SERPINE2: variants seen among roughly 807,000 people sequenced by gnomAD.
SERPINE2 encodes serpin family E member 2.
Under a neutral mutation model 36.3 loss-of-function variants are expected in SERPINE2, and 14 were observed. The ratio of observed to expected loss-of-function variants is 0.39; its 90% CI spans 0.25 to 0.60. SERPINE2 has a LOEUF of 0.60. Among genes scored for constraint, SERPINE2 ranks in the 20% least tolerant of loss-of-function variants. The pLI, the probability that SERPINE2 is intolerant of heterozygous loss-of-function variation, is 0.57. For synonymous variants in SERPINE2, 192 were observed against 191.8 expected (o/e 1.00, Z -0.01); for missense variants, 418 against 499.6 (o/e 0.84, Z 1.56).
chr2:223,998,941 G>T (rs561179959), intron 2 of SERPINE2, among the ~76,000 whole-genome samples: 2 of 152,256 alleles, frequency 1.3e-5, no homozygotes, highest in East Asian at 3.9e-4. Flanking sequence ...AGCCTTTCTG[G>T]GCACCAGGTC....
In SERPINE2 at chr2:223,984,909, C is replaced by T. The variant is rs1690368478; in HGVS notation, c.727G>A (p.Glu243Lys). The T allele has an allele frequency of 1.2e-6, 2 of 1,614,128 alleles. No homozygotes were observed. Among genetic ancestry groups the T allele is most frequent in the Non-Finnish European group, 1.7e-6 (2 of 1,180,026 alleles). ...APNDLWYNFI[E>K]LPYHGESISM... ...ATGCTTTCCCCGTGGTAGGGCAGTT[C>T]AATGAAGTTGTACCATAAATCATTG... The change falls in exon 5 of 9, where the codon GAA becomes AAA. Residue 243 changes from glutamate to lysine, a missense_variant. By Grantham distance (56) the Glu-to-Lys change is moderately conservative. Transcript: ENST00000409304.
chr2:224,025,395 TC>T (rs1692149817), intron 1 of SERPINE2, among the ~76,000 whole-genome samples: 1 of 152,226 alleles, frequency 6.6e-6, no homozygotes, highest in Admixed American at 6.5e-5. Context: ...CAGCGTTAAT[TC>T]TTTATTTCTT....
chr2:224,038,381 G>T, intron 1 of SERPINE2: 1 of 847,694 alleles, frequency 1.2e-6, no homozygotes, highest in Non-Finnish European at 2.0e-6. Context: ...AATACCTGAA[G>T]GTGGAGTGCT....
intron 4 of SERPINE2, among the ~76,000 whole-genome samples, chr2:223,988,085 G>A (rs1690507970): frequency 6.6e-6 from 1 of 152,200 alleles, no homozygotes; most frequent in Admixed American, 6.5e-5. Flanking sequence ...GCTGGGGAAG[G>A]AGGGGTGGCG....
At chr2:223,978,680 A>T (rs1455156619) in intron 7 of SERPINE2, 1 of 152,202 alleles carries the variant, frequency 6.6e-6, no homozygotes, top group African/African-American at 2.4e-5. Flanking sequence ...AACCCCATGA[A>T]GTATTGAACA....
intron 4 of SERPINE2, among the ~76,000 whole-genome samples, chr2:223,988,073 T>C (rs1026427632): frequency 3.3e-5 from 5 of 152,162 alleles, no homozygotes; most frequent in African/African-American, 9.7e-5. Flanking sequence ...TCGGGGACAG[T>C]AGCTGGGGAA....
chr2:223,997,694 T>C (rs1049078155), intron 3 of SERPINE2, among the ~76,000 whole-genome samples: 1 of 152,136 alleles, frequency 6.6e-6, no homozygotes, highest in East Asian at 1.9e-4. Flanking sequence ...TCTTTGGCAA[T>C]GGCAGAAGCA....
intron 1 of SERPINE2, among the ~76,000 whole-genome samples, chr2:224,019,898 G>T (rs767776036): frequency 6.6e-6 from 1 of 151,928 alleles, no homozygotes; most frequent in Non-Finnish European, 1.5e-5. Flanking sequence ...CAGTATTCCT[G>T]GCCTTTACTC....
chr2:223,994,020 T>C (rs943101635), intron 3 of SERPINE2, among the ~76,000 whole-genome samples: 39 of 152,146 alleles, frequency 2.6e-4, no homozygotes, highest in African/African-American at 9.4e-4. Flanking sequence ...CATTACCCAG[T>C]TCAATTCCTA....
At position 224,038,631 on chromosome 2, in the gene SERPINE2, C is replaced by A. The variant is rs1692607585; in HGVS notation, c.-23+468G>T. ...CGCGCGTCACCTCCCTCTGCCCAGG[C>A]AGAGGTAACAAGTAAGAGTGCGCCA... On this transcript the variant is annotated intron_variant, in intron 1 of 8. Coordinates refer to ENST00000409304, the MANE Select transcript of SERPINE2 (RefSeq NM_001136528.2). The A allele has an allele frequency of 4.7e-6, 4 of 855,940 alleles. No homozygotes were observed. In the Admixed American group the frequency reaches 6.1e-5, roughly 13 times the overall value. 53.0% of individuals were successfully genotyped at this position (855,940 alleles called of 1,614,324 possible).
chr2:223,995,891 T>C (rs1690869051), intron 3 of SERPINE2, among the ~76,000 whole-genome samples: 1 of 152,256 alleles, frequency 6.6e-6, no homozygotes, highest in Non-Finnish European at 1.5e-5. Context: ...TGAGTGTAGT[T>C]GTACCCAAGG....
At chr2:223,994,496 C>T (rs1481711344) in intron 3 of SERPINE2, among the ~76,000 whole-genome samples, 2 of 152,228 alleles carry the variant, frequency 1.3e-5, no homozygotes, top group Non-Finnish European at 2.9e-5. Flanking sequence ...ATCCATCCAT[C>T]CTTGGATACC....
In SERPINE2 at chr2:224,005,071, A is replaced by ATT. The variant is rs1559209151; in HGVS notation, c.-22-3150_-22-3149insAA. On this transcript the variant is annotated intron_variant, in intron 1 of 8. Transcript: ENST00000409304. ...TTTATATATTTTATATATATTATAT[A>ATT]TATATATATATATATATATATATAT... Among the ~76,000 whole-genome samples the ATT allele has an allele frequency of 2.0e-3, 72 of 35,870 alleles. 1 individual carries two copies. The highest frequency in any genetic ancestry group is 6.0e-3 in the Admixed American group (13 of 2,180). 23.5% of individuals were successfully genotyped at this position (35,870 alleles called of 152,430 possible). A position where few individuals can be genotyped will look rare whatever the true frequency, so the allele number is the denominator to read the frequency against.
At chr2:224,022,518 A>G (rs1012034431) in intron 1 of SERPINE2, among the ~76,000 whole-genome samples, 1 of 152,120 alleles carries the variant, frequency 6.6e-6, no homozygotes, top group Non-Finnish European at 1.5e-5. Flanking sequence ...TATTTCAATC[A>G]CCTGTCACCA....
chr2:224,035,612 G>T (rs1478097978), intron 1 of SERPINE2, among the ~76,000 whole-genome samples: 1 of 152,046 alleles, frequency 6.6e-6, no homozygotes, highest in Admixed American at 6.6e-5. Flanking sequence ...CAAGTGATCC[G>T]CCTGGTTCAG....
intron 1 of SERPINE2, 54 bp from the exon 2 acceptor site, chr2:224,001,976 A>T: frequency 1.3e-5 from 19 of 1,412,586 alleles, no homozygotes; most frequent in South Asian, 2.9e-5. Flanking sequence ...GTACTTTACT[A>T]CTTTTTTTTT....
intron 1 of SERPINE2, among the ~76,000 whole-genome samples, chr2:224,003,144 T>C (rs370163499): frequency 7.2e-5 from 11 of 152,194 alleles, no homozygotes; most frequent in South Asian, 6.2e-4. Flanking sequence ...AGCCACACTC[T>C]GATGGGTAAA....
chr2:223,977,817 G>A (rs1023158245), intron 7 of SERPINE2, 190 bp from the exon 8 acceptor site: 3 of 542,294 alleles, frequency 5.5e-6, no homozygotes, highest in Non-Finnish European at 1.0e-5. Context: ...CTTGGGCCAG[G>A]CCCTTTACAT....
chr2:224,001,926 G>C lies in SERPINE2; in HGVS notation c.-22-4C>G, dbSNP rs1022417252. 6.3e-7 allele frequency: 1 copy of C among 1,596,868 alleles called. No individual in the cohort carries two copies. Among genetic ancestry groups the C allele is most frequent in the Non-Finnish European group, 8.5e-7 (1 of 1,170,102 alleles). On this transcript the variant is annotated splice_region_variant and splice_polypyrimidine_tract_variant and intron_variant, in intron 1 of 8. Coordinates refer to ENST00000409304, the MANE Select transcript of SERPINE2 (RefSeq NM_001136528.2). ...GGTTCCTTCCACCAAGGACGACCTG[G>C]AAAAGTAAGTTAAAAAATATTTAAA...
Sources: gnomAD v4.1 joint callset for allele counts (sites outside exome capture counted in the v4.1 genomes callset) on GRCh38, gnomAD v4.1.1 for gene constraint, MANE v1.5 for transcripts, NCBI Gene and HGNC (gene_info 2026-07-23, HGNC 2026-07-21) for gene names.